Variants in DACH2 observed in about 807,000 individuals in gnomAD.
The protein encoded by DACH2 is dachshund homolog 2.
In DACH2, 17 loss-of-function variants were observed where a neutral mutation model predicts 35.8. That is an observed-to-expected ratio of 0.48 (90% confidence interval 0.33 to 0.71). DACH2 has a LOEUF of 0.71. Among genes scored for constraint, DACH2 ranks in the 30% least tolerant of loss-of-function variants. The pLI, the probability that DACH2 is intolerant of heterozygous loss-of-function variation, is 0.02. For synonymous variants in DACH2, 195 were observed against 177.3 expected, an observed-to-expected ratio of 1.10 and a Z score of -0.79; for missense variants, 469 against 472.7, an observed-to-expected ratio of 0.99 and a Z score of 0.07.
At chrX:86,461,329 G>C (rs1033316162) in intron 2 of DACH2, among the ~76,000 whole-genome samples, 1 of 111,393 alleles carries the variant, frequency 9.0e-6, no homozygotes, top group Non-Finnish European at 1.9e-5. Flanking sequence ...TCTGAATGCT[G>C]TTAACTTATG....
chrX:86,717,747 A>AAT (rs3071844), intron 6 of DACH2, among the ~76,000 whole-genome samples: 1,685 of 98,420 alleles, frequency 0.017, 18 homozygotes, highest in African/African-American at 0.036. Context: ...TATTATATAT[A>AAT]ATATATATAT....
rs183028877 is a variant in DACH2 at position 86,549,510 on chromosome X, G to A, written c.640+35119G>A. On this transcript the variant is annotated intron_variant, in intron 3 of 11. Transcript: ENST00000373125. ...ATTATTTCTGATACAGAAATCAGGA[G>A]AGAAAGCCTTTTTTTTTCTTTTATA... 3.6e-5 allele frequency among the ~76,000 whole-genome samples: 4 copies of A among 110,428 alleles called. No individual in the cohort carries two copies. In the East Asian group the frequency reaches 8.6e-4, roughly 24 times the overall value.
At chrX:86,212,829 G>A (rs139905982) in intron 1 of DACH2, among the ~76,000 whole-genome samples, 2,460 of 111,120 alleles carry the variant, frequency 0.022, 83 homozygotes, top group African/African-American at 0.076. Context: ...ACTCACGAAC[G>A]TTAGTTAAAG....
chrX:86,257,473 T>C (rs765844489), intron 1 of DACH2, among the ~76,000 whole-genome samples: 1 of 111,624 alleles, frequency 9.0e-6, no homozygotes, highest in African/African-American at 3.3e-5. Flanking sequence ...ACAGGTGTGA[T>C]CTTGGTTCAC....
intron 2 of DACH2, among the ~76,000 whole-genome samples, chrX:86,472,271 A>T (rs1472175473): frequency 9.0e-6 from 1 of 111,458 alleles, no homozygotes. Context: ...AGAGAAAGAG[A>T]TGTGGCAATG....
chrX:86,398,484 G>C (rs1420993321), intron 2 of DACH2, among the ~76,000 whole-genome samples: 1 of 111,222 alleles, frequency 9.0e-6, no homozygotes, highest in Non-Finnish European at 1.9e-5. Context: ...GTGATGTTAG[G>C]GTGTCAATTT....
chrX:86,768,685 G>T (rs2041959050), intron 7 of DACH2, among the ~76,000 whole-genome samples: 1 of 110,752 alleles, frequency 9.0e-6, no homozygotes, highest in Non-Finnish European at 1.9e-5. Flanking sequence ...AGCATGTGCA[G>T]GTTTCTTAAA....
At chrX:86,218,715 A>C (rs2032633827) in intron 1 of DACH2, among the ~76,000 whole-genome samples, 1 of 112,015 alleles carries the variant, frequency 8.9e-6, no homozygotes, top group African/African-American at 3.2e-5. Context: ...TTTCTCACTG[A>C]GATCTGACAT....
intron 3 of DACH2, among the ~76,000 whole-genome samples, chrX:86,570,923 A>G (rs2039358588): frequency 9.0e-6 from 1 of 111,045 alleles, no homozygotes; most frequent in Non-Finnish European, 1.9e-5. Context: ...TGTTTTTCAA[A>G]GAGCTGTAGT....
At chrX:86,495,740 C>A (rs2038160422) in intron 2 of DACH2, among the ~76,000 whole-genome samples, 1 of 109,037 alleles carries the variant, frequency 9.2e-6, no homozygotes, top group Non-Finnish European at 1.9e-5. Flanking sequence ...TCCCTTGAGT[C>A]AGCCCAAGGG....
intron 4 of DACH2, among the ~76,000 whole-genome samples, chrX:86,677,067 A>T (rs1458231327): frequency 8.9e-6 from 1 of 112,054 alleles, no homozygotes; most frequent in African/African-American, 3.2e-5. Flanking sequence ...CAAAATATTT[A>T]ATTTCTATGT....
chrX:86,317,562 G>A (rs2034936757), intron 1 of DACH2, among the ~76,000 whole-genome samples: 2 of 112,218 alleles, frequency 1.8e-5, no homozygotes, highest in Admixed American at 1.9e-4. Context: ...TTTCTCTTTA[G>A]TCCTCAATTT....
At chrX:86,562,105 T>C (rs761338621) in intron 3 of DACH2, among the ~76,000 whole-genome samples, 2 of 110,230 alleles carry the variant, frequency 1.8e-5, no homozygotes, top group South Asian at 7.8e-4. Flanking sequence ...TTTATTCATT[T>C]TTTGATATTT....
intron 2 of DACH2, among the ~76,000 whole-genome samples, chrX:86,411,297 C>A (rs890877712): frequency 1.8e-5 from 2 of 108,193 alleles, no homozygotes; most frequent in African/African-American, 3.4e-5. Context: ...TTGTGCCCAC[C>A]AGATTAAGGG....
chrX:86,620,690 T>C (rs924107044), intron 3 of DACH2, among the ~76,000 whole-genome samples: 5 of 110,570 alleles, frequency 4.5e-5, no homozygotes, highest in Non-Finnish European at 9.5e-5. Flanking sequence ...TGCCTTTTGT[T>C]TGTGATTGAG....
rs1195943792 is a variant in DACH2, at chrX:86,546,357, CTCT to C, written c.640+32011_640+32013del. 1.3e-3 allele frequency among the ~76,000 whole-genome samples: 63 copies of C among 50,068 alleles called. No homozygotes were observed. The East Asian group carries it at 0.02, about 16-fold the overall frequency. The allele number at this position is 50,068 out of a possible 115,157, so 43.5% of individuals were successfully genotyped here. A position where few individuals can be genotyped will look rare whatever the true frequency, so the allele number is the denominator to read the frequency against. The stretch of plus-strand genomic sequence containing the variant: ...CTTCTTCCTCTTCTTCTTCTTCTTC[CTCT>C]TCTTCTTCTTCTTCTTCTTCTTCTT... On this transcript the variant is annotated intron_variant, in intron 3 of 11. Coordinates refer to ENST00000373125, the MANE Select transcript of DACH2 (RefSeq NM_053281.3).
intron 2 of DACH2, among the ~76,000 whole-genome samples, chrX:86,513,609 A>C (rs1362593974): frequency 2.7e-5 from 3 of 112,352 alleles, no homozygotes; most frequent in Non-Finnish European, 5.6e-5. Context: ...GTTTATCATC[A>C]ACTCATTAGT....
chrX:86,614,752 G>C (rs1017475925), intron 3 of DACH2, among the ~76,000 whole-genome samples: 1 of 111,652 alleles, frequency 9.0e-6, no homozygotes, highest in Non-Finnish European at 1.9e-5. Context: ...TACAGCTCAA[G>C]ATAGCAGTGC....
chrX:86,414,949 C>T (rs1482079120), intron 2 of DACH2, among the ~76,000 whole-genome samples: 2 of 111,248 alleles, frequency 1.8e-5, no homozygotes, highest in Non-Finnish European at 3.8e-5. Context: ...AATGTTAATC[C>T]TTCTTTGGCA....
Sources: gnomAD v4.1 joint callset for allele counts (sites outside exome capture counted in the v4.1 genomes callset) on GRCh38, gnomAD v4.1.1 for gene constraint, MANE v1.5 for transcripts, NCBI Gene and HGNC (gene_info 2026-07-23, HGNC 2026-07-21) for gene names.